Variants in BACH1 observed in about 807,000 individuals in gnomAD.
BACH1 encodes the protein BTB domain and CNC homolog 1.
A neutral mutation model predicts 52.9 loss-of-function variants in BACH1; 35 were observed. That is an observed-to-expected ratio of 0.66 (90% CI 0.51 to 0.88). The LOEUF (loss-of-function observed/expected upper bound fraction) is 0.88. BACH1 is among the 40% of genes least tolerant of loss of function. The pLI is 0.00. For synonymous variants in BACH1, 321 were observed against 319.6 expected (o/e 1.00, Z -0.05); for missense variants, 808 against 872.6 (o/e 0.93, Z 0.93).
At chr21:29,331,181 T>C (rs1293308713) in intron 4 of BACH1, among the ~76,000 whole-genome samples, 1 of 152,202 alleles carries the variant, frequency 6.6e-6, no homozygotes, top group Non-Finnish European at 1.5e-5. Flanking sequence ...TTTTATTCTG[T>C]GCTGCAATAC....
In BACH1 at chr21:29,301,269, T is replaced by C. The variant is rs563950667; in HGVS notation, c.-61+2316T>C. Among the ~76,000 whole-genome samples, 21 of 152,316 alleles carry C rather than the reference T, an allele frequency of 1.4e-4. No homozygotes were observed. The South Asian group carries it at 4.3e-3, about 32-fold the overall frequency. On this transcript the variant is annotated intron_variant, in intron 1 of 4. Coordinates refer to ENST00000286800, the MANE Select transcript of BACH1 (RefSeq NM_001186.4). ...AATATATTAAAACTTTTAAAAACTT[T>C]AATATAAGAAAGACATTAAGCTTAA... is the stretch of plus-strand genomic sequence containing the variant.
chr21:29,309,257 C>CAAAA lies in BACH1; in HGVS notation c.-61+10317_-61+10320dup, dbSNP rs3054257. ...TGGGTGACAGAGTGAGACTCTGTCT[C>CAAAA]AAAAAAAAAAAAAAAAGAAAGATTC... On this transcript the variant is annotated intron_variant, in intron 1 of 4. Coordinates refer to ENST00000286800, the MANE Select transcript of BACH1 (RefSeq NM_001186.4). Among the ~76,000 whole-genome samples, 124 of 91,820 alleles carry CAAAA rather than the reference C, an allele frequency of 1.4e-3. 1 individual carries two copies. Among genetic ancestry groups the CAAAA allele is most frequent in the East Asian group, 7.7e-3 (27 of 3,490 alleles). The allele number at this position is 91,820 out of a possible 152,430, so 60.2% of individuals were successfully genotyped here. A position where few individuals can be genotyped will look rare whatever the true frequency, so the allele number is the denominator to read the frequency against.
chr21:29,343,950 A>G lies in BACH1; in HGVS notation c.*1117A>G, dbSNP rs2089142924. The G allele has an allele frequency of 6.6e-6, 1 of 152,242 alleles. No individual in the cohort carries two copies. Among genetic ancestry groups the G allele is most frequent in the Non-Finnish European group, 1.5e-5 (1 of 68,034 alleles). 9.4% of individuals were successfully genotyped at this position (152,242 alleles called of 1,614,324 possible). On this transcript the variant is annotated 3_prime_UTR_variant, in exon 5 of 5. Coordinates refer to ENST00000286800, the MANE Select transcript of BACH1 (RefSeq NM_001186.4). The stretch of plus-strand genomic sequence containing the variant: ...TATTGTGGGTTTGCATTTGAAAAGC[A>G]GGTTGAATCCTTGCTCTCTTCTCCA...
intron 1 of BACH1, among the ~76,000 whole-genome samples, chr21:29,301,087 A>G (rs1482313703): frequency 1.3e-5 from 2 of 152,206 alleles, no homozygotes; most frequent in African/African-American, 4.8e-5. Context: ...GAAAAAAATG[A>G]TGATTCCTAT....
chr21:29,332,575 C>T (rs1379223446), intron 4 of BACH1, among the ~76,000 whole-genome samples: 1 of 152,162 alleles, frequency 6.6e-6, no homozygotes, highest in African/African-American at 2.4e-5. Context: ...AGCCAGGCCT[C>T]ATAAATAACA....
rs945485155 is a variant in BACH1, at chr21:29,344,528, G to A, written c.*1695G>A. ...CTCTCTGTCACTGACTTATTTGTAA[G>A]AGAAAATTAGTTGGACTTGTTTATT... On this transcript the variant is annotated 3_prime_UTR_variant, in exon 5 of 5. Transcript: ENST00000286800. 2.6e-5 allele frequency: 4 copies of A among 152,616 alleles called. No individual in the cohort carries two copies. The highest frequency in any genetic ancestry group is 1.3e-4 in the Admixed American group (2 of 15,260). The allele number at this position is 152,616 out of a possible 1,614,324, so 9.5% of individuals were successfully genotyped here.
At chr21:29,342,304 T>C in intron 4 of BACH1, 95 bp from the exon 5 acceptor site, 1 of 1,231,792 alleles carries the variant, frequency 8.1e-7, no homozygotes, top group Non-Finnish European at 1.1e-6. Flanking sequence ...GTGATCTTAC[T>C]TGATGAGAAG....
intron 1 of BACH1, among the ~76,000 whole-genome samples, chr21:29,316,749 G>T (rs1153291): frequency 0.7 from 106,928 of 152,106 alleles, 38,818 homozygotes; most frequent in African/African-American, 0.87. Context: ...GTGTTTTCAT[G>T]ACTGTAGGTC....
intron 1 of BACH1, among the ~76,000 whole-genome samples, chr21:29,308,301 T>C (rs999743514): frequency 1.3e-5 from 2 of 152,192 alleles, no homozygotes; most frequent in Non-Finnish European, 2.9e-5. Flanking sequence ...GCTATGTATA[T>C]TGAGAAACTG....
chr21:29,356,777 T>G (rs1301414831), intron 2 of BACH1, among the ~76,000 whole-genome samples: 1 of 152,264 alleles, frequency 6.6e-6, no homozygotes, highest in Non-Finnish European at 1.5e-5. Context: ...GACCTTCAAT[T>G]ATCAATTATA....
chr21:29,313,808 AG>A (rs1424361558), intron 1 of BACH1, among the ~76,000 whole-genome samples: 1 of 152,228 alleles, frequency 6.6e-6, no homozygotes, highest in African/African-American at 2.4e-5. Context: ...AATCAGGCAC[AG>A]GGAAGGGTAC....
intron 4 of BACH1, among the ~76,000 whole-genome samples, chr21:29,337,925 G>A (rs914016788): frequency 6.6e-6 from 1 of 151,712 alleles, no homozygotes; most frequent in East Asian, 1.9e-4. Flanking sequence ...GCGAAACTCC[G>A]TCTTAAAACA....
intron 4 of BACH1, among the ~76,000 whole-genome samples, chr21:29,340,811 C>A (rs1408457929): frequency 6.6e-6 from 1 of 152,046 alleles, no homozygotes; most frequent in East Asian, 1.9e-4. Flanking sequence ...CTACTGTGAA[C>A]AAGCAGTAGG....
chr21:29,340,079 G>T (rs1346943147), intron 4 of BACH1, among the ~76,000 whole-genome samples: 1 of 152,218 alleles, frequency 6.6e-6, no homozygotes, highest in African/African-American at 2.4e-5. Context: ...GAAATATATT[G>T]TAGGGATAGG....
At chr21:29,342,109 G>C (rs978040925) in intron 4 of BACH1, among the ~76,000 whole-genome samples, 3 of 152,180 alleles carry the variant, frequency 2.0e-5, no homozygotes, top group African/African-American at 7.2e-5. Flanking sequence ...GAAATGTAAA[G>C]ATAGTTGATA....
intron 1 of BACH1, among the ~76,000 whole-genome samples, chr21:29,302,335 A>C (rs2088612750): frequency 6.6e-6 from 1 of 152,240 alleles, no homozygotes; most frequent in African/African-American, 2.4e-5. Flanking sequence ...TCAGGACTGC[A>C]GCTAAAACAT....
intron 2 of BACH1, 122 bp from the exon 3 acceptor site, chr21:29,325,937 T>C: frequency 3.9e-6 from 4 of 1,031,166 alleles, no homozygotes; most frequent in South Asian, 4.5e-5. Flanking sequence ...CAAATTAAAG[T>C]ACATATTTTA....
At chr21:29,350,211 T>C (rs949429014), downstream of BACH1, among the ~76,000 whole-genome samples, 6 of 152,176 alleles carry the variant, frequency 3.9e-5, no homozygotes, top group African/African-American at 1.4e-4. Flanking sequence ...CTGCACCCCG[T>C]GGTTCACAAG....
chr21:29,327,082 G>C lies in BACH1; in HGVS notation c.1258G>C (p.Val420Leu). Residue 420 changes from valine to leucine, a missense_variant, in exon 3 of 5, where the codon GTG (valine) becomes CTG (leucine). By Grantham distance (32) the Val-to-Leu change is conservative. Coordinates refer to ENST00000286800, the MANE Select transcript of BACH1 (RefSeq NM_001186.4). The part of the protein sequence containing the change: ...TPCQMQLSPA[V>L]AKDGSEQISQ... The stretch of plus-strand genomic sequence containing the variant: ...TTGCCAAATGCAGTTATCACCTGCT[G>C]TGGCCAAAGATGGCTCAGAACAGAT... 6.2e-7 allele frequency: 1 copy of C among 1,614,224 alleles called. No homozygotes were observed. The highest frequency in any genetic ancestry group is 8.5e-7 in the Non-Finnish European group (1 of 1,180,042).
Sources: gnomAD v4.1 joint callset for allele counts (sites outside exome capture counted in the v4.1 genomes callset) on GRCh38, gnomAD v4.1.1 for gene constraint, MANE v1.5 for transcripts, NCBI Gene and HGNC (gene_info 2026-07-23, HGNC 2026-07-21) for gene names.